TNS4: variants seen among roughly 807,000 people sequenced by gnomAD.
The protein encoded by TNS4 is tensin-4.
A neutral mutation model predicts 70.4 loss-of-function variants in TNS4; 46 were observed. The ratio of observed to expected loss-of-function variants is 0.65; its 90% CI spans 0.52 to 0.84. The LOEUF (loss-of-function observed/expected upper bound fraction) is 0.84. TNS4 is among the 40% of genes least tolerant of loss of function. The pLI, the probability that TNS4 is intolerant of heterozygous loss-of-function variation, is 0.00. For missense variants in TNS4, 863 were observed against 907.0 expected (o/e 0.95, Z 0.62); for synonymous variants, 390 against 366.6 (o/e 1.06, Z -0.73).
In TNS4 at chr17:40,487,043, G is replaced by T; in HGVS notation, c.1281C>A (p.Cys427Ter). 6.2e-7 allele frequency: 1 copy of T among 1,613,762 alleles called. No homozygotes were observed. Among genetic ancestry groups the T allele is most frequent in the Non-Finnish European group, 8.5e-7 (1 of 1,179,658 alleles). The change falls in exon 4 of 13, where the codon TGC becomes TGA. Residue 427 changes from cysteine (C) to a stop codon, truncating the protein, a stop_gained. Coordinates refer to ENST00000254051, the MANE Select transcript of TNS4 (RefSeq NM_032865.6). LOFTEE classifies it high-confidence loss of function. ...QTLSDAPFTT[C>*]PEGPARDMQP... The stretch of plus-strand genomic sequence containing the variant: ...TATTGGTTTACGACGTACCCTCTGG[G>T]CATGTGGTAAAGGGGGCATCTGACA...
intron 1 of TNS4, among the ~76,000 whole-genome samples, chr17:40,498,704 T>C (rs370920797): frequency 1.3e-4 from 20 of 152,300 alleles, no homozygotes; most frequent in African/African-American, 4.6e-4. Flanking sequence ...ACTACAGGCT[T>C]GTGCCCTATA....
Position 40,488,869 on chromosome 17 carries a change from GCGAAGGGAGC to G in TNS4, c.530_539del (p.Gly177AlafsTer161), listed in dbSNP as rs1414707587. On this transcript the variant is annotated frameshift_variant, in exon 3 of 13. Transcript: ENST00000254051. LOFTEE classifies it high-confidence loss of function. ...CTCTGGAAAGGAGGAGGCCACCACTGCGAAGGGAGCCGAAGGGCGGGGTGACAGAGGGGCT... is the reference window on the plus strand; with the variant it reads ...CTCTGGAAAGGAGGAGGCCACCACTGCGAAGGGCGGGGTGACAGAGGGGCT... 1.2e-6 allele frequency: 2 copies of G among 1,613,664 alleles called. No homozygotes were observed. Among genetic ancestry groups the G allele is most frequent in the Non-Finnish European group, 1.7e-6 (2 of 1,179,936 alleles).
Position 40,487,275 on chromosome 17 carries a change from G to T in TNS4, c.1049C>A (p.Ser350Tyr). Residue 350 changes from serine (S) to tyrosine (Y), a missense_variant, in exon 4 of 13, where the codon TCT (serine) becomes TAT (tyrosine). By Grantham distance (144) the Ser-to-Tyr change is moderately radical. Coordinates refer to ENST00000254051, the MANE Select transcript of TNS4 (RefSeq NM_032865.6). ...LTMGQPRTPH[S>Y]PPLAKEHASS... ...GGCATGTTCTTTGGCCAGTGGTGGA[G>T]AGTGGGGTGTTCTGGGTTGGCCCAT... is the stretch of plus-strand genomic sequence containing the variant. The T allele has an allele frequency of 6.2e-7, 1 of 1,614,232 alleles. No individual in the cohort carries two copies. The highest frequency in any genetic ancestry group is 8.5e-7 in the Non-Finnish European group (1 of 1,180,040).
At chr17:40,483,678 C>T (rs371441346) in intron 6 of TNS4, among the ~76,000 whole-genome samples, 2 of 152,164 alleles carry the variant, frequency 1.3e-5, no homozygotes, top group Non-Finnish European at 2.9e-5. Flanking sequence ...GGCTCATTGC[C>T]TCTTGCAAGG....
chr17:40,478,903 A>AT (rs1434167680), intron 10 of TNS4, among the ~76,000 whole-genome samples: 1 of 151,728 alleles, frequency 6.6e-6, no homozygotes, highest in African/African-American at 2.4e-5. Context: ...ACGCCATTTA[A>AT]TTTTTTTTGG....
chr17:40,479,390 G>A (rs1472112572), intron 10 of TNS4, among the ~76,000 whole-genome samples: 3 of 152,000 alleles, frequency 2.0e-5, no homozygotes, highest in Admixed American at 6.6e-5. Context: ...CAGGTGATCC[G>A]CCCGCCTCGG....
intron 12 of TNS4, 119 bp from the exon 13 acceptor site, chr17:40,477,848 C>A: frequency 1.1e-6 from 1 of 908,368 alleles, no homozygotes; most frequent in Non-Finnish European, 1.7e-6. Context: ...CTCCCTTAGC[C>A]AATTGACTCC....
At chr17:40,484,675 G>C in intron 5 of TNS4, 66 bp from the exon 6 acceptor site, 1 of 1,595,186 alleles carries the variant, frequency 6.3e-7, no homozygotes, top group Non-Finnish European at 8.5e-7. Flanking sequence ...CAGCCCCGTA[G>C]GGTCTTCACA....
rs1055736692 is a variant in TNS4, at chr17:40,478,092, T to A, written c.2006+215A>T. 8 of 640,668 alleles carry A rather than the reference T, an allele frequency of 1.2e-5. No individual in the cohort carries two copies. In the South Asian group the frequency reaches 1.5e-4, roughly 12 times the overall value. The allele number at this position is 640,668 out of a possible 1,614,324, so 39.7% of individuals were successfully genotyped here. A position where few individuals can be genotyped will look rare whatever the true frequency, so the allele number is the denominator to read the frequency against. ...CCCTGAAGTTAGAGCCTGTGCCTCT[T>A]GCAGAAGATTGAGGGCTCCCAGGCT... On this transcript the variant is annotated intron_variant, in intron 12 of 12. Transcript: ENST00000254051.
intron 2 of TNS4, among the ~76,000 whole-genome samples, chr17:40,490,209 C>T (rs935613877): frequency 2.6e-5 from 4 of 152,248 alleles, no homozygotes; most frequent in African/African-American, 4.8e-5. Context: ...GCTGCCGACG[C>T]GCTCCAGCGC....
chr17:40,489,061 C>T (rs2143809914), intron 2 of TNS4, 92 bp from the exon 3 acceptor site: 10 of 1,266,654 alleles, frequency 7.9e-6, no homozygotes, highest in South Asian at 1.6e-5. Flanking sequence ...TCATTCTGTC[C>T]CCCCTCTTTT....
intron 2 of TNS4, among the ~76,000 whole-genome samples, chr17:40,492,828 C>T (rs952213029): frequency 5.1e-4 from 77 of 151,810 alleles, no homozygotes; most frequent in Middle Eastern, 6.8e-3. Flanking sequence ...CCGAGGTGGA[C>T]GAGGTCAAGA....
At position 40,488,977 on chromosome 17, in the gene TNS4, G is replaced by A. The variant is rs1231568024; in HGVS notation, c.440-8C>T. 6.4e-7 allele frequency: 1 copy of A among 1,553,328 alleles called. No homozygotes were observed. On this transcript the variant is annotated splice_region_variant and splice_polypyrimidine_tract_variant and intron_variant, in intron 2 of 12. Coordinates refer to ENST00000254051, the MANE Select transcript of TNS4 (RefSeq NM_032865.6). ...CCTCGATGTACTTTATGTCTTTGGG[G>A]GAGAAAAGCAGAGCATTGGTGAAAT...
At chr17:40,480,103 G>T (rs771951831) in intron 9 of TNS4, 2 of 463,796 alleles carry the variant, frequency 4.3e-6, no homozygotes, top group Admixed American at 3.8e-5. Flanking sequence ...TGCCCTGTGT[G>T]TAGAGGTGCC....
intron 3 of TNS4, among the ~76,000 whole-genome samples, chr17:40,487,918 C>T (rs1010659519): frequency 2.6e-5 from 4 of 152,272 alleles, no homozygotes; most frequent in Admixed American, 6.5e-5. Flanking sequence ...CAGACTTCTT[C>T]CTGAGCTCAG....
rs2035849415 is a variant in TNS4, at chr17:40,476,416, GT to G, written c.*1171del. 6.7e-6 allele frequency: 1 copy of G among 148,720 alleles called. No individual in the cohort carries two copies. Among genetic ancestry groups the G allele is most frequent in the Non-Finnish European group, 1.4e-5 (1 of 69,222 alleles). The allele number at this position is 148,720 out of a possible 1,614,324, so 9.2% of individuals were successfully genotyped here. The stretch of plus-strand genomic sequence containing the variant: ...TGTGTGTGTGTGTGTGTGTGTGTGT[GT>G]GTGTGTGTGTGTTGGAGCGTGGGTT... On this transcript the variant is annotated 3_prime_UTR_variant, in exon 13 of 13. Transcript: ENST00000254051.
At chr17:40,498,340 C>G (rs1398820057) in intron 1 of TNS4, among the ~76,000 whole-genome samples, 1 of 152,122 alleles carries the variant, frequency 6.6e-6, no homozygotes, top group African/African-American at 2.4e-5. Context: ...CTGCACCCTC[C>G]CAGAGAGTGT....
chr17:40,480,909 G>T, intron 8 of TNS4, 141 bp from the exon 9 acceptor site: 3 of 960,620 alleles, frequency 3.1e-6, no homozygotes, highest in Non-Finnish European at 3.1e-6. Flanking sequence ...CAAACCAGGT[G>T]TGATTACCGT....
intron 4 of TNS4, among the ~76,000 whole-genome samples, chr17:40,485,679 T>C (rs925663343): frequency 6.6e-5 from 10 of 152,212 alleles, no homozygotes; most frequent in African/African-American, 2.4e-4. Context: ...GGTGATATTA[T>C]GGGACCAAAG....
Sources: gnomAD v4.1 joint callset for allele counts (sites outside exome capture counted in the v4.1 genomes callset) on GRCh38, gnomAD v4.1.1 for gene constraint, MANE v1.5 for transcripts, NCBI Gene and HGNC (gene_info 2026-07-23, HGNC 2026-07-21) for gene names.